LINGO2: variants seen among roughly 807,000 people sequenced by gnomAD.
The protein encoded by LINGO2 is leucine rich repeat and Ig domain containing 2.
In LINGO2, 14 loss-of-function variants were observed where a neutral mutation model predicts 30.6. The ratio of observed to expected loss-of-function variants is 0.46; its 90% CI spans 0.30 to 0.72. LINGO2 has a LOEUF of 0.72. LINGO2 is among the 30% of genes least tolerant of loss of function. LINGO2 has a pLI of 0.07. For missense variants in LINGO2, 729 were observed against 751.7 expected, an observed-to-expected ratio of 0.97 and a Z score of 0.35; for synonymous variants, 317 against 288.5, an observed-to-expected ratio of 1.10 and a Z score of -1.00.
the LINGO2 span, among the ~76,000 whole-genome samples, chr9:28,990,516 A>G: frequency 2.0e-5 from 3 of 152,210 alleles, no homozygotes; most frequent in South Asian, 2.1e-4. Flanking sequence ...TTCTCCCAGC[A>G]TGCAGCTGGA....
chr9:29,098,866 T>G, the LINGO2 span, among the ~76,000 whole-genome samples: 29,678 of 151,748 alleles, frequency 0.2, 2,990 homozygotes, highest in South Asian at 0.25. Flanking sequence ...AAGAAGCAAC[T>G]GAAAGAAAAA....
exon 6 of LINGO2, chr9:27,950,220 T>C (rs372805989): frequency 1.9e-6 from 3 of 1,614,016 alleles, no homozygotes; most frequent in Non-Finnish European, 1.7e-6. Context: ...GTTATGTAGA[T>C]CTTGGAACAT....
the LINGO2 span, among the ~76,000 whole-genome samples, chr9:28,999,605 T>C: frequency 6.6e-6 from 1 of 152,056 alleles, no homozygotes; most frequent in African/African-American, 2.4e-5. Flanking sequence ...TTGTCATTTC[T>C]AGGATTGCTT....
intron 1 of LINGO2, among the ~76,000 whole-genome samples, chr9:28,624,485 T>C (rs1038413335): frequency 3.9e-5 from 6 of 152,258 alleles, no homozygotes; most frequent in East Asian, 1.9e-4. Flanking sequence ...GATTTGCGTA[T>C]GTTAAGACAT....
the LINGO2 span, among the ~76,000 whole-genome samples, chr9:29,091,224 T>C: frequency 6.6e-6 from 1 of 152,042 alleles, no homozygotes; most frequent in Non-Finnish European, 1.5e-5. Flanking sequence ...AACAAACGAA[T>C]GCTCTCTTTT....
At chr9:28,989,963 G>A in the LINGO2 span, among the ~76,000 whole-genome samples, 94 of 152,304 alleles carry the variant, frequency 6.2e-4, no homozygotes, top group Non-Finnish European at 9.6e-4. Context: ...CAGCGTGAGC[G>A]ACGCAGAAGA....
At chr9:28,021,729 T>A (rs1343455) in intron 4 of LINGO2, among the ~76,000 whole-genome samples, 3,545 of 152,234 alleles carry the variant, frequency 0.023, 58 homozygotes, top group Middle Eastern at 0.061. Context: ...GACCTATTTA[T>A]ATAATGCTCT....
intron 2 of LINGO2, among the ~76,000 whole-genome samples, chr9:28,460,087 T>C (rs915381441): frequency 2.0e-5 from 3 of 152,176 alleles, no homozygotes; most frequent in Admixed American, 2.0e-4. Context: ...ATCTGTAAAT[T>C]TGAGTGTCTC....
At chr9:28,379,365 T>C (rs75718235) in intron 2 of LINGO2, among the ~76,000 whole-genome samples, 1 of 152,038 alleles carries the variant, frequency 6.6e-6, no homozygotes, top group East Asian at 1.9e-4. Flanking sequence ...GAAATCATGA[T>C]TTTTTTCTCT....
the LINGO2 span, among the ~76,000 whole-genome samples, chr9:29,159,585 G>A: frequency 2.0e-5 from 3 of 152,028 alleles, no homozygotes; most frequent in South Asian, 2.1e-4. Flanking sequence ...GGCCAGGTGC[G>A]GTGGCTCATG....
chr9:28,025,386 ATC>A (rs1422707443), intron 4 of LINGO2, among the ~76,000 whole-genome samples: 1 of 152,168 alleles, frequency 6.6e-6, no homozygotes, highest in African/African-American at 2.4e-5. Context: ...TGAAAATACT[ATC>A]TCTTTTGGCA....
intron 1 of LINGO2, among the ~76,000 whole-genome samples, chr9:28,636,150 G>T (rs1388339937): frequency 6.6e-6 from 1 of 152,092 alleles, no homozygotes; most frequent in Non-Finnish European, 1.5e-5. Context: ...CAAAGGACAT[G>T]AACTCATTAT....
chr9:28,640,769 G>A lies in LINGO2; in HGVS notation c.-365+29431C>T, dbSNP rs550084464. Among the ~76,000 whole-genome samples, 12 of 151,988 alleles carry A rather than the reference G, an allele frequency of 7.9e-5. No individual in the cohort carries two copies. The South Asian group carries it at 8.3e-4, about 11-fold the overall frequency. Reference sequence around the variant, plus strand: ...TTTTTAACTTCTTTGCCATGGGTTCGAACTTCCTCCTTTAGCTTGGAGTAG... The same window carrying A: ...TTTTTAACTTCTTTGCCATGGGTTCAAACTTCCTCCTTTAGCTTGGAGTAG... On this transcript the variant is annotated intron_variant, in intron 1 of 5. Coordinates refer to ENST00000379992, the Ensembl canonical transcript of LINGO2.
chr9:27,964,534 G>T (rs1008470016), intron 5 of LINGO2, among the ~76,000 whole-genome samples: 1 of 152,058 alleles, frequency 6.6e-6, no homozygotes, highest in Non-Finnish European at 1.5e-5. Flanking sequence ...CAATGAAATC[G>T]ATATAAAATG....
intron 1 of LINGO2, among the ~76,000 whole-genome samples, chr9:28,577,169 T>C (rs1824031126): frequency 6.6e-6 from 1 of 152,168 alleles, no homozygotes; most frequent in African/African-American, 2.4e-5. Context: ...GGCCTGAATT[T>C]TGCTAAAATG....
chr9:28,591,446 G>T (rs534463763), intron 1 of LINGO2, among the ~76,000 whole-genome samples: 1 of 152,102 alleles, frequency 6.6e-6, no homozygotes, highest in Non-Finnish European at 1.5e-5. Context: ...CAGAGGAGAA[G>T]CAGATGAGAC....
chr9:28,239,075 C>A (rs1276331106), intron 4 of LINGO2, among the ~76,000 whole-genome samples: 1 of 151,968 alleles, frequency 6.6e-6, no homozygotes, highest in East Asian at 1.9e-4. Flanking sequence ...CTACAACCAA[C>A]CAAGATTGAA....
At chr9:28,168,802 T>C (rs762623159) in intron 4 of LINGO2, among the ~76,000 whole-genome samples, 9 of 152,246 alleles carry the variant, frequency 5.9e-5, no homozygotes, top group Non-Finnish European at 1.0e-4. Context: ...TAAAAATAGC[T>C]GATAAATGCA....
At chr9:28,465,664 T>C (rs1172061073) in intron 2 of LINGO2, among the ~76,000 whole-genome samples, 1 of 152,026 alleles carries the variant, frequency 6.6e-6, no homozygotes, top group Non-Finnish European at 1.5e-5. Flanking sequence ...ATCAAGAAAT[T>C]GAAGAGACGA....
Sources: allele counts gnomAD v4.1 joint callset (sites outside exome capture counted in the v4.1 genomes callset), GRCh38; gene constraint gnomAD v4.1.1; transcripts MANE v1.5; gene names NCBI Gene and HGNC (gene_info 2026-07-23, HGNC 2026-07-21).